The following TMEM52B variants were observed in gnomAD, a reference collection of about 807,000 sequenced individuals.
TMEM52B encodes chromosome 12 open reading frame 59.
Under a neutral mutation model 16.1 loss-of-function variants are expected in TMEM52B, and 11 were observed. The observed-to-expected ratio is 0.68, with a 90% CI of 0.43 to 1.13. The LOEUF is 1.13. TMEM52B is among the 50% of genes most tolerant of loss of function. The pLI is 0.00. For missense variants in TMEM52B, 243 were observed against 230.4 expected (o/e 1.05, Z -0.35); for synonymous variants, 101 against 93.8 (o/e 1.08, Z -0.45).
chr12:10,178,522 CAAAAA>C (rs56217145), upstream of TMEM52B, among the ~76,000 whole-genome samples: 2 of 109,768 alleles, frequency 1.8e-5, no homozygotes. Flanking sequence ...GACTCCGTCT[CAAAAA>C]AAAAAAAAAA....
chr12:10,172,146 C>G, intron 1 of TMEM52B: 1 of 1,058,362 alleles, frequency 9.4e-7, no homozygotes, highest in Non-Finnish European at 1.5e-6. Flanking sequence ...AATATGTGAG[C>G]TTCTGCAGAA....
chr12:10,176,832 C>A (rs897304858), upstream of TMEM52B, among the ~76,000 whole-genome samples: 1 of 152,034 alleles, frequency 6.6e-6, no homozygotes, highest in East Asian at 1.9e-4. Context: ...GGTCTAATAA[C>A]CTGCTCCAAG....
In TMEM52B at chr12:10,189,959, C is replaced by T. The variant is rs779240379; in HGVS notation, c.371C>T (p.Ser124Phe). 4 of 1,614,046 alleles carry T rather than the reference C, an allele frequency of 2.5e-6. No individual in the cohort carries two copies. In the African/African-American group the frequency reaches 5.3e-5, roughly 22 times the overall value. ...CTGGCTGTGGCTCACTCCCACAGCT[C>T]CCTGGGCCAGCTGCCCTCCTCTTTG... is the stretch of plus-strand genomic sequence containing the variant. The part of the protein sequence containing the change: ...RILAVAHSHS[S>F]LGQLPSSLDT... The change falls in exon 5 of 5, where the codon TCC (serine) becomes TTC (phenylalanine). Residue 124 changes from serine (S) to phenylalanine (F), a missense_variant. Transcript: ENST00000543484.
chr12:10,186,013 C>A (rs1948874932), intron 3 of TMEM52B, among the ~76,000 whole-genome samples: 2 of 151,940 alleles, frequency 1.3e-5, no homozygotes, highest in Admixed American at 1.3e-4. Flanking sequence ...TGCACTTCAG[C>A]CTGGGCAACA....
At chr12:10,179,678 C>G in intron 1 of TMEM52B, 50 bp downstream of exon 1, 1 of 1,606,630 alleles carries the variant, frequency 6.2e-7, no homozygotes, top group South Asian at 1.1e-5. Context: ...CCAGATTAAT[C>G]AACTCTCAGA....
rs1438370855 is a variant in TMEM52B at position 10,179,198 on chromosome 12, CTTCA to C, written c.-372_-369del. The C allele has an allele frequency of 5.3e-6, 1 of 189,780 alleles. No homozygotes were observed. Among genetic ancestry groups the C allele is most frequent in the Non-Finnish European group, 1.1e-5 (1 of 89,768 alleles). 11.8% of individuals were successfully genotyped at this position (189,780 alleles called of 1,614,324 possible). ...TTTTTCATCGCTGTCTAGAAAAATA[CTTCA>C]TTCAGAGGACACATATGTCCTCTTT... On this transcript the variant is annotated 5_prime_UTR_variant, in exon 1 of 5. Transcript: ENST00000543484.
At chr12:10,182,219 C>CA in intron 1 of TMEM52B, 1 of 984,886 alleles carries the variant, frequency 1.0e-6, no homozygotes, top group Non-Finnish European at 1.2e-6. Context: ...ATTAGGAGGA[C>CA]AATGGCAATA....
chr12:10,188,400 A>C (rs1279381667), intron 4 of TMEM52B, among the ~76,000 whole-genome samples: 2 of 151,818 alleles, frequency 1.3e-5, no homozygotes, highest in Non-Finnish European at 2.9e-5. Context: ...CGGAGGTTTC[A>C]GTGAGCCGAG....
chr12:10,179,277 A>G lies in TMEM52B; in HGVS notation c.-298A>G. 1 of 359,744 alleles carries G rather than the reference A, an allele frequency of 2.8e-6. No homozygotes were observed. Among genetic ancestry groups the G allele is most frequent in the Non-Finnish European group, 5.2e-6 (1 of 193,148 alleles). The allele number at this position is 359,744 out of a possible 1,614,324, so 22.3% of individuals were successfully genotyped here. On this transcript the variant is annotated 5_prime_UTR_variant, in exon 1 of 5. Transcript: ENST00000543484. ...AGGAGAAAGAAACTTCAAGATGTAG[A>G]AAGAATTAATAGTGTAACGGAAAGA...
intron 1 of TMEM52B, among the ~76,000 whole-genome samples, chr12:10,173,449 A>G (rs896545423): frequency 6.6e-6 from 1 of 152,122 alleles, no homozygotes; most frequent in African/African-American, 2.4e-5. Flanking sequence ...CCTGTTTCCT[A>G]TATTCCTTTT....
intron 2 of TMEM52B, among the ~76,000 whole-genome samples, chr12:10,183,348 C>T (rs1352813370): frequency 6.6e-6 from 1 of 152,046 alleles, no homozygotes; most frequent in Non-Finnish European, 1.5e-5. Flanking sequence ...TGAGGTTTTA[C>T]ACATCTTCCA....
At chr12:10,187,065 C>CCTTTTCT (rs1470370704) in intron 4 of TMEM52B, among the ~76,000 whole-genome samples, 1 of 143,662 alleles carries the variant, frequency 7.0e-6, no homozygotes, top group African/African-American at 2.6e-5. Flanking sequence ...AGACACTTTC[C>CCTTTTCT]CTTTTCTTCT....
In TMEM52B at chr12:10,190,215, A is replaced by G; in HGVS notation, c.*75A>G. ...GGGAAAATGGAACACATACTTTTCT[A>G]ACCCTCAGAAGTTTTAAGATGGCAT... is the stretch of plus-strand genomic sequence containing the variant. On this transcript the variant is annotated 3_prime_UTR_variant, in exon 5 of 5. Coordinates refer to ENST00000543484, the MANE Select transcript of TMEM52B (RefSeq NM_001384896.1). 6.3e-7 allele frequency: 1 copy of G among 1,585,828 alleles called. No homozygotes were observed. Among genetic ancestry groups the G allele is most frequent in the Non-Finnish European group, 8.6e-7 (1 of 1,161,848 alleles).
At chr12:10,176,119 T>C (rs1290727216), upstream of TMEM52B, among the ~76,000 whole-genome samples, 1 of 152,216 alleles carries the variant, frequency 6.6e-6, no homozygotes, top group Non-Finnish European at 1.5e-5. Flanking sequence ...CTATCCCAGC[T>C]ACCTGCCCTT....
At chr12:10,185,440 T>C (rs1948868829) in intron 3 of TMEM52B, 72 bp downstream of exon 3, 1 of 1,088,182 alleles carries the variant, frequency 9.2e-7, no homozygotes, top group East Asian at 2.4e-5. Context: ...ACCTGCCTAC[T>C]TACTTAGCAT....
At chr12:10,182,509 C>A in intron 1 of TMEM52B, 41 bp from the exon 2 acceptor site, 1 of 1,529,246 alleles carries the variant, frequency 6.5e-7, no homozygotes, top group South Asian at 1.2e-5. Context: ...ACACAGTGGC[C>A]AAAACAATTT....
At chr12:10,171,170 A>C (rs1257152862) in intron 1 of TMEM52B, among the ~76,000 whole-genome samples, 4 of 152,208 alleles carry the variant, frequency 2.6e-5, no homozygotes, top group Non-Finnish European at 5.9e-5. Flanking sequence ...AAATCACTCC[A>C]TGCTCACACT....
At chr12:10,181,947 A>C in intron 1 of TMEM52B, among the ~76,000 whole-genome samples, 1 of 147,182 alleles carries the variant, frequency 6.8e-6, no homozygotes, top group African/African-American at 2.5e-5. Flanking sequence ...GAATTGCTTG[A>C]ACCCGGGAGG....
chr12:10,186,652 G>C (rs923900454), intron 4 of TMEM52B, 63 bp downstream of exon 4: 3 of 1,458,396 alleles, frequency 2.1e-6, no homozygotes, highest in East Asian at 4.7e-5. Context: ...TGAAAAGGGT[G>C]CAAAGGTGTA....
Sources: allele counts gnomAD v4.1 joint callset (sites outside exome capture counted in the v4.1 genomes callset), GRCh38; gene constraint gnomAD v4.1.1; transcripts MANE v1.5; gene names NCBI Gene and HGNC (gene_info 2026-07-23, HGNC 2026-07-21).